ATP8B1: variants seen among roughly 807,000 people sequenced by gnomAD.
The protein encoded by ATP8B1 is phospholipid-transporting ATPase IC.
In ATP8B1, 80 loss-of-function variants were observed where a neutral mutation model predicts 149.9. That is an observed-to-expected ratio of 0.53 (90% CI 0.45 to 0.64). The LOEUF (loss-of-function observed/expected upper bound fraction) is 0.64. ATP8B1 is among the 30% of genes least tolerant of loss of function. ATP8B1 has a pLI of 0.00. For synonymous variants in ATP8B1, 536 were observed against 562.8 expected, an observed-to-expected ratio of 0.95 and a Z score of 0.67; for missense variants, 1,247 against 1,552.6, an observed-to-expected ratio of 0.80 and a Z score of 3.31.
intron 1 of ATP8B1, among the ~76,000 whole-genome samples, chr18:57,749,075 T>TA (rs34998899): frequency 6.6e-6 from 1 of 152,190 alleles, no homozygotes; most frequent in Admixed American, 6.5e-5. Flanking sequence ...CTCCACCTCT[T>TA]AAAAAAAGCA....
intron 22 of ATP8B1, among the ~76,000 whole-genome samples, chr18:57,658,806 C>T (rs895081347): frequency 1.3e-5 from 2 of 152,042 alleles, no homozygotes; most frequent in African/African-American, 4.8e-5. Context: ...GCTGGGACTA[C>T]CGGTGTGTGC....
At chr18:57,719,282 C>G (rs1387261994) in intron 2 of ATP8B1, among the ~76,000 whole-genome samples, 1 of 152,198 alleles carries the variant, frequency 6.6e-6, no homozygotes, top group South Asian at 2.1e-4. Context: ...AGGAACAGCT[C>G]CGGTCTACAG....
At position 57,647,971 on chromosome 18, in the gene ATP8B1, GC is replaced by G; in HGVS notation, c.*516del. 1 of 211,994 alleles carries G rather than the reference GC, an allele frequency of 4.7e-6. No homozygotes were observed. Among genetic ancestry groups the G allele is most frequent in the South Asian group, 7.3e-5 (1 of 13,708 alleles). The allele number at this position is 211,994 out of a possible 1,614,324, so 13.1% of individuals were successfully genotyped here. A position where few individuals can be genotyped will look rare whatever the true frequency, so the allele number is the denominator to read the frequency against. ...CAAAGTGCTAGGATGACAGGCATGA[GC>G]CACCATGCCCGGCCTATTTTTAAAT... On this transcript the variant is annotated 3_prime_UTR_variant, in exon 28 of 28. Transcript: ENST00000648908.
intron 1 of ATP8B1, among the ~76,000 whole-genome samples, chr18:57,744,435 G>C (rs1268608844): frequency 6.6e-6 from 1 of 151,512 alleles, no homozygotes; most frequent in African/African-American, 2.4e-5. Flanking sequence ...GAAAAAAAAA[G>C]TAAATAAAAG....
chr18:57,676,664 A>T (rs1911608372), intron 15 of ATP8B1, among the ~76,000 whole-genome samples: 1 of 141,300 alleles, frequency 7.1e-6, no homozygotes, highest in Non-Finnish European at 1.5e-5. Flanking sequence ...GGTTGCAGTG[A>T]GCCGAGATCT....
At chr18:57,732,225 GTA>G (rs1568044152) in intron 1 of ATP8B1, among the ~76,000 whole-genome samples, 1 of 11,298 alleles carries the variant, frequency 8.9e-5, no homozygotes, top group Admixed American at 1.3e-3. Flanking sequence ...GTGTATATAT[GTA>G]TATATGTGTA....
At chr18:57,777,125 G>A (rs2080312416) in intron 1 of ATP8B1, among the ~76,000 whole-genome samples, 1 of 152,034 alleles carries the variant, frequency 6.6e-6, no homozygotes, top group Non-Finnish European at 1.5e-5. Flanking sequence ...CTATAGGCAT[G>A]TGCCACCACA....
intron 15 of ATP8B1, among the ~76,000 whole-genome samples, chr18:57,682,619 T>C (rs1005585828): frequency 6.6e-6 from 1 of 152,174 alleles, no homozygotes; most frequent in Non-Finnish European, 1.5e-5. Context: ...AAAATTGGCT[T>C]GGTGAGTCAA....
chr18:57,764,306 CTTCTTTCT>C (rs919121417), intron 1 of ATP8B1, among the ~76,000 whole-genome samples: 3 of 148,988 alleles, frequency 2.0e-5, no homozygotes, highest in African/African-American at 7.4e-5. Flanking sequence ...TTCTTCCTTC[CTTCTTTCT>C]TTCTTTCTTT....
intron 16 of ATP8B1, among the ~76,000 whole-genome samples, chr18:57,672,932 A>ATATAT (rs1491183286): frequency 6.2e-5 from 2 of 32,100 alleles, no homozygotes; most frequent in African/African-American, 2.0e-4. Context: ...ATATATATAT[A>ATATAT]ACATGTATAT....
chr18:57,664,646 ATGTT>A (rs1229248773), intron 20 of ATP8B1, among the ~76,000 whole-genome samples: 2 of 152,198 alleles, frequency 1.3e-5, no homozygotes, highest in African/African-American at 4.8e-5. Context: ...AACAAATTAA[ATGTT>A]TGTGTTAAAA....
At chr18:57,795,739 A>C (rs921287159) in intron 1 of ATP8B1, among the ~76,000 whole-genome samples, 13 of 152,176 alleles carry the variant, frequency 8.5e-5, no homozygotes, top group Middle Eastern at 3.2e-3. Flanking sequence ...TCATGGGCAT[A>C]GTTTCTATTT....
chr18:57,651,640 G>GTT (rs201359186), intron 26 of ATP8B1, among the ~76,000 whole-genome samples: 1 of 145,392 alleles, frequency 6.9e-6, no homozygotes, highest in Admixed American at 6.9e-5. Flanking sequence ...TGTTTTTTTT[G>GTT]TTTTTTTTTT....
intron 13 of ATP8B1, among the ~76,000 whole-genome samples, chr18:57,688,058 C>T (rs1912341684): frequency 1.3e-5 from 2 of 152,170 alleles, no homozygotes; most frequent in Admixed American, 6.5e-5. Context: ...GCTGGGATTA[C>T]AGGCCTGAGC....
At chr18:57,649,729 G>C (rs942398668) in intron 27 of ATP8B1, among the ~76,000 whole-genome samples, 1 of 152,076 alleles carries the variant, frequency 6.6e-6, no homozygotes, top group African/African-American at 2.4e-5. Context: ...GGGGCCCTTG[G>C]GTGAGAAGTT....
intron 1 of ATP8B1, among the ~76,000 whole-genome samples, chr18:57,739,787 C>G (rs1021627440): frequency 2.0e-5 from 3 of 152,154 alleles, no homozygotes; most frequent in Non-Finnish European, 4.4e-5. Flanking sequence ...TTGAGGCCAT[C>G]CAAAAACCAT....
chr18:57,667,960 C>A, intron 19 of ATP8B1: 3 of 729,132 alleles, frequency 4.1e-6, no homozygotes, highest in Non-Finnish European at 5.7e-6. Context: ...CAAACAAGTG[C>A]TTGTTGAGTT....
At chr18:57,766,705 T>C (rs2080214282) in intron 1 of ATP8B1, among the ~76,000 whole-genome samples, 1 of 152,192 alleles carries the variant, frequency 6.6e-6, no homozygotes, top group Non-Finnish European at 1.5e-5. Context: ...ATGCCAGTGC[T>C]GCCGGTACAG....
chr18:57,657,810 A>G (rs944313289), intron 22 of ATP8B1, among the ~76,000 whole-genome samples: 10 of 152,170 alleles, frequency 6.6e-5, no homozygotes, highest in Admixed American at 4.6e-4. Context: ...CCAGTCCTCA[A>G]CCTTCCCGCT....
Sources: allele counts gnomAD v4.1 joint callset (sites outside exome capture counted in the v4.1 genomes callset), GRCh38; gene constraint gnomAD v4.1.1; transcripts MANE v1.5; gene names NCBI Gene and HGNC (gene_info 2026-07-23, HGNC 2026-07-21).